The following KCNT2 variants were observed in gnomAD, a reference collection of about 807,000 sequenced individuals.
KCNT2 encodes the protein potassium channel subfamily T member 2.
A neutral mutation model predicts 153.8 loss-of-function variants in KCNT2; 67 were observed. That is an observed-to-expected ratio of 0.44 (90% CI 0.36 to 0.53). The LOEUF is 0.53. Among genes scored for constraint, KCNT2 ranks in the 20% least tolerant of loss-of-function variants. KCNT2 has a pLI of 0.00. For synonymous variants in KCNT2, 500 were observed against 458.8 expected (o/e 1.09, Z -1.15); for missense variants, 975 against 1,354.8 (o/e 0.72, Z 4.40).
intron 12 of KCNT2, among the ~76,000 whole-genome samples, chr1:196,404,828 A>C (rs1194555834): frequency 6.6e-6 from 1 of 151,688 alleles, no homozygotes; most frequent in East Asian, 1.9e-4. Context: ...TGCATATCAC[A>C]GGTGAATAAG....
chr1:196,383,190 TTTTC>T (rs139056150), intron 13 of KCNT2, among the ~76,000 whole-genome samples: 171 of 152,250 alleles, frequency 1.1e-3, no homozygotes, highest in African/African-American at 4.1e-3. Flanking sequence ...GAAGGGCCAG[TTTTC>T]TTTTTCTTTT....
chr1:196,431,418 G>C (rs572436323), intron 8 of KCNT2, among the ~76,000 whole-genome samples: 18 of 152,228 alleles, frequency 1.2e-4, no homozygotes, highest in African/African-American at 3.8e-4. Flanking sequence ...CTCAGAAGAA[G>C]AGGAGAGTAG....
At chr1:196,494,362 A>G (rs1346673824) in intron 1 of KCNT2, among the ~76,000 whole-genome samples, 2 of 152,120 alleles carry the variant, frequency 1.3e-5, no homozygotes, top group African/African-American at 4.8e-5. Flanking sequence ...TTTTCAGATA[A>G]TATTGGAGTT....
intron 8 of KCNT2, among the ~76,000 whole-genome samples, chr1:196,435,139 G>GTATATATATATATATATATATA (rs1166021273): frequency 4.4e-5 from 2 of 45,716 alleles, no homozygotes; most frequent in Non-Finnish European, 7.8e-5. Flanking sequence ...GTGTGTGTAT[G>GTATATATATATATATATATATA]TATATATATA....
At position 196,383,810 on chromosome 1, in the gene KCNT2, C is replaced by T. The variant is rs1303206605; in HGVS notation, c.1295-10562G>A. 2.6e-5 allele frequency among the ~76,000 whole-genome samples: 4 copies of T among 152,082 alleles called. No individual in the cohort carries two copies. In the South Asian group the frequency reaches 6.2e-4, roughly 24 times the overall value. On this transcript the variant is annotated intron_variant, in intron 13 of 27. Coordinates refer to ENST00000294725, the MANE Select transcript of KCNT2 (RefSeq NM_198503.5). ...AAGTAGGAAAATGTATTCAATGTTG[C>T]CCTGTGCTTGATTTAAAGAATCATT...
chr1:196,490,730 T>C lies in KCNT2; in HGVS notation c.176-793A>G, dbSNP rs1390657548. The stretch of plus-strand genomic sequence containing the variant: ...TTATGCAGCCTGTAATATTCAATGA[T>C]GATGAAGAGTATTTAAGATTAAGCA... On this transcript the variant is annotated intron_variant, in intron 2 of 27. Coordinates refer to ENST00000294725, the MANE Select transcript of KCNT2 (RefSeq NM_198503.5). Among the ~76,000 whole-genome samples the C allele has an allele frequency of 2.6e-5, 4 of 151,786 alleles. No homozygotes were observed. In the East Asian group the frequency reaches 5.8e-4, roughly 22 times the overall value.
intron 13 of KCNT2, among the ~76,000 whole-genome samples, chr1:196,377,587 G>A (rs978281717): frequency 2.0e-5 from 3 of 151,952 alleles, no homozygotes; most frequent in African/African-American, 7.2e-5. Context: ...TTTGTTCACA[G>A]CACCTTGCTG....
intron 2 of KCNT2, among the ~76,000 whole-genome samples, chr1:196,490,905 G>A (rs1679807766): frequency 6.6e-6 from 1 of 151,498 alleles, no homozygotes; most frequent in African/African-American, 2.4e-5. Context: ...CACTTTTTTT[G>A]TCCTACTCTG....
chr1:196,560,236 T>C (rs1021305034), intron 1 of KCNT2, among the ~76,000 whole-genome samples: 6 of 151,782 alleles, frequency 4.0e-5, no homozygotes, highest in African/African-American at 1.5e-4. Context: ...AGGAATGTTA[T>C]GCAAAAGACG....
At chr1:196,378,026 G>C (rs1669120448) in intron 13 of KCNT2, among the ~76,000 whole-genome samples, 1 of 152,064 alleles carries the variant, frequency 6.6e-6, no homozygotes, top group South Asian at 2.1e-4. Flanking sequence ...CACAGTTACT[G>C]ACACATAGAG....
intron 1 of KCNT2, among the ~76,000 whole-genome samples, chr1:196,511,395 C>G (rs992095585): frequency 6.6e-6 from 1 of 152,110 alleles, no homozygotes; most frequent in African/African-American, 2.4e-5. Context: ...AAACCAGGGT[C>G]CCTAAAGGCA....
At chr1:196,322,827 C>G (rs924266968) in intron 19 of KCNT2, among the ~76,000 whole-genome samples, 1 of 151,770 alleles carries the variant, frequency 6.6e-6, no homozygotes, top group Non-Finnish European at 1.5e-5. Flanking sequence ...TTATTCCTTG[C>G]TAGACAATAT....
intron 14 of KCNT2, among the ~76,000 whole-genome samples, chr1:196,349,711 T>A (rs527388485): frequency 2.6e-5 from 4 of 151,894 alleles, no homozygotes; most frequent in Non-Finnish European, 4.4e-5. Flanking sequence ...CTTTTATTTT[T>A]TTATTATTAT....
intron 20 of KCNT2, among the ~76,000 whole-genome samples, 164 bp downstream of exon 20, chr1:196,319,320 T>C (rs1663048021): frequency 6.6e-6 from 1 of 151,804 alleles, no homozygotes; most frequent in South Asian, 2.1e-4. Flanking sequence ...TCAGAAAGTT[T>C]AATACAAGAT....
chr1:196,271,953 T>C (rs1658101115), intron 25 of KCNT2, among the ~76,000 whole-genome samples: 1 of 151,994 alleles, frequency 6.6e-6, no homozygotes, highest in South Asian at 2.1e-4. Flanking sequence ...TACGTTACTC[T>C]ATGAGCTTTG....
At chr1:196,511,482 A>G (rs907062840) in intron 1 of KCNT2, among the ~76,000 whole-genome samples, 4 of 152,188 alleles carry the variant, frequency 2.6e-5, no homozygotes, top group African/African-American at 9.6e-5. Flanking sequence ...CTGTCTTGTC[A>G]TAGTTCGGAG....
intron 1 of KCNT2, among the ~76,000 whole-genome samples, chr1:196,562,508 A>G (rs1659546016): frequency 6.6e-6 from 1 of 151,992 alleles, no homozygotes; most frequent in Non-Finnish European, 1.5e-5. Context: ...TTTTTAGTTT[A>G]CAATAACATG....
chr1:196,257,989 A>G (rs1035651101), intron 26 of KCNT2: 7 of 1,384,400 alleles, frequency 5.1e-6, no homozygotes, highest in Non-Finnish European at 6.6e-6. Flanking sequence ...AGTACCTAGC[A>G]GACTCAGCAA....
intron 1 of KCNT2, among the ~76,000 whole-genome samples, chr1:196,579,387 C>T (rs934054435): frequency 5.9e-5 from 9 of 151,912 alleles, no homozygotes; most frequent in Non-Finnish European, 1.0e-4. Flanking sequence ...AGGCTTAGTA[C>T]CTGCGTGATG....
Sources: gnomAD v4.1 joint callset for allele counts (sites outside exome capture counted in the v4.1 genomes callset) on GRCh38, gnomAD v4.1.1 for gene constraint, MANE v1.5 for transcripts, NCBI Gene and HGNC (gene_info 2026-07-23, HGNC 2026-07-21) for gene names.